Variants in RBFOX2 observed in about 807,000 individuals in gnomAD.
RBFOX2 encodes RNA binding protein fox-1 homolog 2.
Under a neutral mutation model 49.1 loss-of-function variants are expected in RBFOX2, and 10 were observed. The observed-to-expected ratio is 0.20, with a 90% CI of 0.13 to 0.35. The LOEUF (loss-of-function observed/expected upper bound fraction) is 0.35. RBFOX2 is among the 10% of genes least tolerant of loss of function. RBFOX2 has a pLI of 1.00. For missense variants in RBFOX2, 323 were observed against 486.9 expected (o/e 0.66, Z 3.17); for synonymous variants, 183 against 187.4 (o/e 0.98, Z 0.19).
upstream of RBFOX2, among the ~76,000 whole-genome samples, chr22:35,962,766 A>C (rs1321323052): frequency 1.3e-5 from 2 of 152,082 alleles, no homozygotes; most frequent in Non-Finnish European, 2.9e-5. Context: ...ATAATGACTA[A>C]ATATGGACCA....
At chr22:35,885,276 G>T (rs558070007) in intron 1 of RBFOX2, among the ~76,000 whole-genome samples, 45 of 152,208 alleles carry the variant, frequency 3.0e-4, no homozygotes, top group Non-Finnish European at 6.2e-4. Context: ...ACTGTTTAGT[G>T]AGACCTTCAG....
At chr22:35,968,199 T>C (rs962521211) in intron 1 of RBFOX2, among the ~76,000 whole-genome samples, 1 of 152,198 alleles carries the variant, frequency 6.6e-6, no homozygotes, top group Non-Finnish European at 1.5e-5. Context: ...TTATGAAAGA[T>C]AAATTTAGGG....
upstream of RBFOX2, among the ~76,000 whole-genome samples, chr22:35,841,568 T>C (rs577644988): frequency 6.0e-4 from 92 of 152,242 alleles, no homozygotes; most frequent in Non-Finnish European, 8.1e-4. Context: ...CTCATAAAAT[T>C]AAGATTTTCT....
chr22:35,936,141 G>A lies in RBFOX2; in HGVS notation c.-34+2706C>T, dbSNP rs557145031. Among the ~76,000 whole-genome samples, 6 of 151,302 alleles carry A rather than the reference G, an allele frequency of 4.0e-5. No individual in the cohort carries two copies. The South Asian group carries it at 8.4e-4, about 21-fold the overall frequency. ...GTGGGAGAATCACTTGCACCCCAGG[G>A]GTCAAGGCTGCAGTGAGCCATGTTC... On this transcript the variant is annotated intron_variant, in intron 1 of 13. Coordinates refer to the RBFOX2 transcript ENST00000359369.
intron 1 of RBFOX2, among the ~76,000 whole-genome samples, chr22:35,822,523 A>T (rs1003130214): frequency 2.0e-5 from 3 of 152,168 alleles, no homozygotes; most frequent in African/African-American, 7.2e-5. Context: ...CCCAGGTAAA[A>T]GGACTTGTTA....
At chr22:35,798,674 G>GTT (rs1255642077) in intron 2 of RBFOX2, among the ~76,000 whole-genome samples, 2 of 152,166 alleles carry the variant, frequency 1.3e-5, no homozygotes, top group African/African-American at 4.8e-5. Context: ...TTACTATTAA[G>GTT]TAGTTATTGC....
chr22:35,858,224 T>C (rs139672083), intron 1 of RBFOX2, among the ~76,000 whole-genome samples: 35 of 152,362 alleles, frequency 2.3e-4, no homozygotes, highest in Admixed American at 3.9e-4. Flanking sequence ...AAACCAATTA[T>C]TGATACATTC....
At chr22:35,805,558 T>C (rs957755629) in intron 2 of RBFOX2, among the ~76,000 whole-genome samples, 2 of 152,186 alleles carry the variant, frequency 1.3e-5, no homozygotes, top group African/African-American at 4.8e-5. Context: ...CTCTGGAATG[T>C]AGTTTGGTGG....
At chr22:35,941,849 C>G (rs2053720701), upstream of RBFOX2, among the ~76,000 whole-genome samples, 1 of 152,212 alleles carries the variant, frequency 6.6e-6, no homozygotes, top group Admixed American at 6.5e-5. Context: ...ACTCCTCCAC[C>G]TGCCTTAGCA....
chr22:35,902,144 T>A (rs1340337213), intron 1 of RBFOX2, among the ~76,000 whole-genome samples: 3 of 152,114 alleles, frequency 2.0e-5, no homozygotes, highest in Non-Finnish European at 2.9e-5. Context: ...TACGTTTCAA[T>A]TATACTCTCA....
chr22:35,914,774 C>T (rs1006073081), intron 1 of RBFOX2, among the ~76,000 whole-genome samples: 17 of 152,138 alleles, frequency 1.1e-4, no homozygotes, highest in Admixed American at 2.0e-4. Context: ...ACCCGATCCC[C>T]GGGGGTAAAC....
At chr22:35,829,443 G>A (rs927170399) in intron 1 of RBFOX2, among the ~76,000 whole-genome samples, 9 of 151,890 alleles carry the variant, frequency 5.9e-5, no homozygotes, top group African/African-American at 2.2e-4. Context: ...AGAGACGAAA[G>A]CTATAATCTG....
In RBFOX2 at chr22:35,762,536, T is replaced by A. The variant is rs567597519; in HGVS notation, c.608-1068A>T. Among the ~76,000 whole-genome samples, 11 of 148,466 alleles carry A rather than the reference T, an allele frequency of 7.4e-5. No homozygotes were observed. The South Asian group carries it at 2.2e-3, about 29-fold the overall frequency. ...TTTTTTTTTTTTTTGAGACAGAGTC[T>A]TGCTCTGTCACCCAGGCTGGAGTGC... On this transcript the variant is annotated intron_variant, in intron 6 of 11. Coordinates refer to ENST00000405409, the Ensembl canonical transcript of RBFOX2.
At chr22:35,957,185 C>T (rs2055663695) in intron 1 of RBFOX2, among the ~76,000 whole-genome samples, 1 of 152,158 alleles carries the variant, frequency 6.6e-6, no homozygotes, top group Non-Finnish European at 1.5e-5. Context: ...CAAATTCTTC[C>T]ATCTTTAAAT....
intron 1 of RBFOX2, among the ~76,000 whole-genome samples, chr22:35,931,193 A>T (rs1297145291): frequency 6.6e-6 from 1 of 152,150 alleles, no homozygotes; most frequent in Non-Finnish European, 1.5e-5. Context: ...GTTGGACAGA[A>T]GCAACAGTTT....
At chr22:36,012,867 C>CG (rs2058876703) in intron 1 of RBFOX2, among the ~76,000 whole-genome samples, 1 of 151,956 alleles carries the variant, frequency 6.6e-6, no homozygotes, top group Admixed American at 6.6e-5. Context: ...CAAATTCAAG[C>CG]GATTCTCCTA....
At chr22:35,752,480 G>A (rs1462480710) in intron 9 of RBFOX2, 2 of 338,966 alleles carry the variant, frequency 5.9e-6, no homozygotes, top group Non-Finnish European at 8.4e-6. Flanking sequence ...TAGATCACAC[G>A]CTCACAAGTC....
intron 1 of RBFOX2, among the ~76,000 whole-genome samples, chr22:35,973,144 T>C (rs1017511392): frequency 6.6e-6 from 1 of 152,178 alleles, no homozygotes; most frequent in South Asian, 2.1e-4. Context: ...AGTCCAATAC[T>C]TGATAATGAT....
chr22:35,980,471 A>T (rs1258557129), intron 1 of RBFOX2, among the ~76,000 whole-genome samples: 1 of 152,240 alleles, frequency 6.6e-6, no homozygotes, highest in Non-Finnish European at 1.5e-5. Flanking sequence ...TACTCAAAGC[A>T]AAGGAGTAAC....
Sources: allele counts gnomAD v4.1 joint callset (sites outside exome capture counted in the v4.1 genomes callset), GRCh38; gene constraint gnomAD v4.1.1; transcripts MANE v1.5; gene names NCBI Gene and HGNC (gene_info 2026-07-23, HGNC 2026-07-21).